Variants in MGST2 observed in about 807,000 individuals in gnomAD.
MGST2 encodes the protein microsomal glutathione S-transferase 2, also known as glutathione peroxidase MGST2.
MGST2 carries 9 observed loss-of-function variants against 16.6 expected under a neutral mutation model. The observed-to-expected ratio is 0.54, with a 90% CI of 0.33 to 0.95. MGST2 has a LOEUF of 0.95. Among genes scored for constraint, MGST2 ranks in the 40% least tolerant of loss-of-function variants. The probability of loss-of-function intolerance (pLI) is 0.03; values close to 1 mark genes in which losing one functional copy is unlikely to be tolerated. For synonymous variants in MGST2, 79 were observed against 68.0 expected, an observed-to-expected ratio of 1.16 and a Z score of -0.79; for missense variants, 159 against 175.1, an observed-to-expected ratio of 0.91 and a Z score of 0.52.
intron 3 of MGST2, among the ~76,000 whole-genome samples, chr4:139,699,006 A>G (rs1015864549): frequency 6.6e-6 from 1 of 152,214 alleles, no homozygotes; most frequent in African/African-American, 2.4e-5. Flanking sequence ...AGCAATCTGT[A>G]TGGGTATCAT....
At chr4:139,722,614 C>T (rs1728281148) in intron 5 of MGST2, among the ~76,000 whole-genome samples, 1 of 152,106 alleles carries the variant, frequency 6.6e-6, no homozygotes, top group African/African-American at 2.4e-5. Context: ...AGTCTATGTT[C>T]TATTTTCACT....
Position 139,698,285 on chromosome 4 carries a change from G to A in MGST2, c.229+3018G>A, listed in dbSNP as rs1489126146. ...CCTCACTTGCCTCCTGCAAAGCACC[G>A]ATAGCTGCGCTCTGGAAGCGCAGAT... On this transcript the variant is annotated intron_variant, in intron 3 of 4. Transcript: ENST00000265498. 5 of 1,237,524 alleles carry A rather than the reference G, an allele frequency of 4.0e-6. 1 individual carries two copies. In the Admixed American group the frequency reaches 5.4e-5, roughly 13 times the overall value. The allele number at this position is 1,237,524 out of a possible 1,614,324, so 76.7% of individuals were successfully genotyped here.
downstream of MGST2, among the ~76,000 whole-genome samples, chr4:139,708,031 C>G (rs550975658): frequency 1.4e-3 from 208 of 152,216 alleles, 1 homozygote; most frequent in African/African-American, 4.7e-3. Context: ...ATGGTAGTTT[C>G]TTTTGCTGTG....
chr4:139,693,262 G>T (rs1001672555), intron 2 of MGST2, among the ~76,000 whole-genome samples: 8 of 152,210 alleles, frequency 5.3e-5, no homozygotes, highest in African/African-American at 1.7e-4. Context: ...AAAATTAGCC[G>T]GGCGCGGTGG....
chr4:139,720,298 T>A, intron 5 of MGST2: 1 of 1,552,708 alleles, frequency 6.4e-7, no homozygotes, highest in Non-Finnish European at 8.7e-7. Context: ...CTTGGCTTCT[T>A]ACGGCTGCTA....
At chr4:139,710,793 G>T (rs4863677) in intron 5 of MGST2, among the ~76,000 whole-genome samples, 23,527 of 151,930 alleles carry the variant, frequency 0.15, 4,355 homozygotes, top group African/African-American at 0.43. Flanking sequence ...TTTATTCTGT[G>T]GCCTACTTTT....
chr4:139,672,613 C>T (rs1051372822), intron 1 of MGST2, among the ~76,000 whole-genome samples: 14 of 149,720 alleles, frequency 9.4e-5, no homozygotes, highest in Non-Finnish European at 1.6e-4. Context: ...TACAGTGGTG[C>T]GATCTCAGCT....
intron 2 of MGST2, among the ~76,000 whole-genome samples, chr4:139,679,882 A>G (rs4241932): frequency 0.24 from 36,406 of 152,130 alleles, 4,596 homozygotes; most frequent in East Asian, 0.47. Context: ...AGCATGTCCC[A>G]CACCTCAAAA....
At chr4:139,737,104 T>A (rs917879740) in intron 5 of MGST2, among the ~76,000 whole-genome samples, 5 of 152,118 alleles carry the variant, frequency 3.3e-5, no homozygotes, top group Non-Finnish European at 7.4e-5. Context: ...GAGTCCCCTA[T>A]AATGCCCTTG....
At chr4:139,703,658 C>T (rs1047245688) in intron 4 of MGST2, 122 bp downstream of exon 4, 3 of 915,700 alleles carry the variant, frequency 3.3e-6, no homozygotes, top group Non-Finnish European at 5.3e-6. Context: ...GTAATCCATA[C>T]TGTCTGAGGT....
At position 139,698,687 on chromosome 4, in the gene MGST2, A is replaced by C. The variant is rs116539636; in HGVS notation, c.229+3420A>C. On this transcript the variant is annotated intron_variant, in intron 3 of 4. Coordinates refer to ENST00000265498, the MANE Select transcript of MGST2 (RefSeq NM_002413.5). ...TGCTCCCACATAAAAGCTGCATTTC[A>C]ATATGAGATAAAAAGACATTTTGGA... 1,187 of 657,616 alleles carry C rather than the reference A, an allele frequency of 1.8e-3. 8 individuals carry two copies. The African/African-American group carries it at 0.019, about 11-fold the overall frequency. 40.7% of individuals were successfully genotyped at this position (657,616 alleles called of 1,614,324 possible).
At chr4:139,743,620 A>G (rs183212682), downstream of MGST2, among the ~76,000 whole-genome samples, 43 of 152,282 alleles carry the variant, frequency 2.8e-4, no homozygotes, top group African/African-American at 1.0e-3. Flanking sequence ...AAACCTGGAA[A>G]CTGAACTTGA....
chr4:139,737,482 G>A (rs1728992585), intron 5 of MGST2, among the ~76,000 whole-genome samples: 1 of 152,048 alleles, frequency 6.6e-6, no homozygotes, highest in Non-Finnish European at 1.5e-5. Context: ...GTGGGGAGAG[G>A]AATGGGCATA....
chr4:139,666,138 A>T, intron 1 of MGST2, 61 bp downstream of exon 1: 2 of 1,466,626 alleles, frequency 1.4e-6, no homozygotes, highest in Non-Finnish European at 1.9e-6. Flanking sequence ...GTGTGTGACA[A>T]GGCTTGCGGG....
chr4:139,695,339 T>C, intron 3 of MGST2, 72 bp downstream of exon 3: 2 of 1,296,836 alleles, frequency 1.5e-6, no homozygotes, highest in South Asian at 1.2e-5. Context: ...AGTAGATATA[T>C]GGCCAGGCAC....
chr4:139,686,425 C>T (rs1250982874), intron 2 of MGST2, among the ~76,000 whole-genome samples: 1 of 152,126 alleles, frequency 6.6e-6, no homozygotes, highest in African/African-American at 2.4e-5. Flanking sequence ...GTATGTCTGA[C>T]TCTCACTTTC....
At position 139,666,051 on chromosome 4, in the gene MGST2, T is replaced by C. The variant is rs1280149537; in HGVS notation, c.32T>C (p.Val11Ala). ...GGGAACTCGATCCTGCTGGCTGCTGTCTCTATTCTCTCGGCCTGTCAGCAA... is the reference window on the plus strand; with the variant it reads ...GGGAACTCGATCCTGCTGGCTGCTGCCTCTATTCTCTCGGCCTGTCAGCAA... Reference protein sequence around the residue: MAGNSILLAAVSILSACQQSY... With the variant: MAGNSILLAAASILSACQQSY... Residue 11 changes from valine to alanine, a missense_variant, in exon 1 of 5, where the codon GTC becomes GCC. Val to Ala is a moderately conservative substitution (Grantham distance 64). Transcript: ENST00000265498. The C allele has an allele frequency of 8.1e-6, 13 of 1,613,866 alleles. No homozygotes were observed. Among genetic ancestry groups the C allele is most frequent in the Non-Finnish European group, 1.1e-5 (13 of 1,180,012 alleles).
intron 2 of MGST2, 34 bp from the exon 3 acceptor site, chr4:139,695,163 A>G: frequency 2.7e-6 from 4 of 1,495,234 alleles, no homozygotes; most frequent in Non-Finnish European, 2.8e-6. Context: ...TACTTTTCTC[A>G]TAAAATAACC....
At chr4:139,687,366 C>T (rs953196103) in intron 2 of MGST2, among the ~76,000 whole-genome samples, 3 of 152,196 alleles carry the variant, frequency 2.0e-5, no homozygotes, top group Non-Finnish European at 4.4e-5. Context: ...TCGGGCCAAA[C>T]CAAATCAAGA....
Sources: allele counts gnomAD v4.1 joint callset (sites outside exome capture counted in the v4.1 genomes callset), GRCh38; gene constraint gnomAD v4.1.1; transcripts MANE v1.5; gene names NCBI Gene and HGNC (gene_info 2026-07-23, HGNC 2026-07-21).